The following SPG11 variants were observed in gnomAD, a reference collection of about 807,000 sequenced individuals.
SPG11 encodes the protein SPG11 vesicle trafficking associated, spatacsin, also known as spatacsin.
In SPG11, 222 loss-of-function variants were observed where a neutral mutation model predicts 274.0. The observed-to-expected ratio is 0.81, with a 90% CI of 0.73 to 0.91. The LOEUF is 0.91. SPG11 is among the 40% of genes least tolerant of loss of function. SPG11 has a pLI of 0.00. For synonymous variants in SPG11, 1,144 were observed against 1,039.7 expected, an observed-to-expected ratio of 1.10 and a Z score of -1.93; for missense variants, 3,114 against 2,872.7, an observed-to-expected ratio of 1.08 and a Z score of -1.92.
chr15:44,631,298 A>G (rs1368557631), intron 8 of SPG11, among the ~76,000 whole-genome samples: 1 of 152,222 alleles, frequency 6.6e-6, no homozygotes, highest in East Asian at 1.9e-4. Context: ...CTATGTCATC[A>G]TATTTAGTAA....
At chr15:44,595,951 A>G (rs1480081479) in intron 25 of SPG11, 132 bp downstream of exon 25, 4 of 1,210,342 alleles carry the variant, frequency 3.3e-6, no homozygotes, top group Admixed American at 3.9e-5. Context: ...AAAATGTTGC[A>G]GTGAACTTGG....
At chr15:44,661,940 CCT>C (rs2085121116) in intron 1 of SPG11, among the ~76,000 whole-genome samples, 1 of 152,070 alleles carries the variant, frequency 6.6e-6, no homozygotes, top group African/African-American at 2.4e-5. Context: ...GTTAAAAAGT[CCT>C]TTCTTGGTCC....
chr15:44,605,779 A>C (rs1434761929), intron 20 of SPG11, among the ~76,000 whole-genome samples: 1 of 152,232 alleles, frequency 6.6e-6, no homozygotes, highest in African/African-American at 2.4e-5. Flanking sequence ...ACTTTTTGAA[A>C]GGAAGAAATA....
chr15:44,590,208 C>T (rs1441709634), intron 27 of SPG11, among the ~76,000 whole-genome samples: 2 of 152,320 alleles, frequency 1.3e-5, no homozygotes, highest in South Asian at 2.1e-4. Context: ...AACATTACTT[C>T]GCTAGTTCTA....
At chr15:44,652,897 T>G (rs2084827932) in intron 4 of SPG11, among the ~76,000 whole-genome samples, 1 of 152,170 alleles carries the variant, frequency 6.6e-6, no homozygotes, top group South Asian at 2.1e-4. Flanking sequence ...CTTCCAGTGA[T>G]GTGCCTGCCT....
Position 44,644,405 on chromosome 15 carries a change from G to T in SPG11, c.1602+4461C>A, listed in dbSNP as rs146434858. 2.1e-3 allele frequency among the ~76,000 whole-genome samples: 318 copies of T among 152,106 alleles called. 2 individuals are homozygous for T. Among genetic ancestry groups the T allele is most frequent in the African/African-American group, 7.5e-3 (310 of 41,502 alleles). On this transcript the variant is annotated intron_variant, in intron 7 of 39. Transcript: ENST00000261866. ...ATGTTAAAAACCCTCAACAAACTAG[G>T]CATTGAAGAAACATATCTCAAAATA...
chr15:44,656,962 T>C (rs898415465), intron 4 of SPG11, 133 bp downstream of exon 4: 4 of 737,750 alleles, frequency 5.4e-6, no homozygotes, highest in African/African-American at 5.4e-5. Flanking sequence ...CTTTACAATG[T>C]ATTAGCTAGA....
chr15:44,649,850 C>T (rs2084713376), intron 6 of SPG11, among the ~76,000 whole-genome samples: 1 of 150,478 alleles, frequency 6.6e-6, no homozygotes, highest in African/African-American at 2.4e-5. Flanking sequence ...AGCCAGATCA[C>T]ACCATTGCAC....
At chr15:44,616,082 A>C (rs2083586464) in intron 15 of SPG11, among the ~76,000 whole-genome samples, 1 of 152,220 alleles carries the variant, frequency 6.6e-6, no homozygotes, top group Non-Finnish European at 1.5e-5. Flanking sequence ...TTATAGAAAC[A>C]TCATGGAACC....
Position 44,608,486 on chromosome 15 carries a change from A to G in SPG11, c.3411T>C (p.Pro1137=). The G allele has an allele frequency of 6.2e-7, 1 of 1,614,142 alleles. No homozygotes were observed. Among genetic ancestry groups the G allele is most frequent in the Non-Finnish European group, 8.5e-7 (1 of 1,180,014 alleles). Residue 1137 remains proline, a synonymous_variant, in exon 19 of 40, where the codon CCT becomes CCC. Coordinates refer to ENST00000261866, the MANE Select transcript of SPG11 (RefSeq NM_025137.4). ...TTGTAATATCAGATGGCAGGACACTAGGAGGAGTGCACTGTGGGAAGAGAG... is the reference window on the plus strand; with the variant it reads ...TTGTAATATCAGATGGCAGGACACTGGGAGGAGTGCACTGTGGGAAGAGAG... ...KTALFPQCTP[P]SVLPSDITIY...
intron 22 of SPG11, 55 bp from the exon 23 acceptor site, chr15:44,598,428 C>T: frequency 1.3e-6 from 2 of 1,533,274 alleles, no homozygotes; most frequent in South Asian, 1.1e-5. Flanking sequence ...AAAACCTGAG[C>T]ATTTCTGTTT....
intron 27 of SPG11, among the ~76,000 whole-genome samples, chr15:44,592,115 A>C (rs1472831240): frequency 2.6e-5 from 4 of 151,576 alleles, no homozygotes; most frequent in African/African-American, 7.3e-5. Flanking sequence ...TGTCTCAAAA[A>C]AAAAAAAAAA....
chr15:44,628,567 C>T (rs1595897850), intron 10 of SPG11, 102 bp downstream of exon 10: 3 of 1,138,418 alleles, frequency 2.6e-6, no homozygotes, highest in East Asian at 2.4e-5. Flanking sequence ...GCCAAACATT[C>T]TGAATCACAA....
Position 44,663,603 on chromosome 15 carries a change from A to G in SPG11, c.45T>C (p.Gly15=), listed in dbSNP as rs371828554. 75 of 1,596,428 alleles carry G rather than the reference A, an allele frequency of 4.7e-5. No individual in the cohort carries two copies. In the South Asian group the frequency reaches 6.4e-4, roughly 14 times the overall value. ...EGVASAASAG[G]SWGTAAMGRV... is the part of the protein sequence containing the mutation. ...GCCCCATGGCCGCGGTGCCCCAGCT[A>G]CCGCCGGCGGAAGCAGCACTCGCGA... Residue 15 remains glycine (G), a synonymous_variant, in exon 1 of 40, where the codon GGT becomes GGC. Transcript: ENST00000261866.
At position 44,660,621 on chromosome 15, in the gene SPG11, G is replaced by GA; in HGVS notation, c.258-6dup. Reference sequence around the variant, plus strand: ...CGAGAATCCTCCCATAGAAAGCTAAGAAAAAAAGTTTAGATTTATTATATT... The same window carrying GA: ...CGAGAATCCTCCCATAGAAAGCTAAGAAAAAAAAGTTTAGATTTATTATATT... On this transcript the variant is annotated splice_region_variant and splice_polypyrimidine_tract_variant and intron_variant, in intron 1 of 39. Transcript: ENST00000261866. The GA allele has an allele frequency of 1.2e-6, 2 of 1,613,764 alleles. No homozygotes were observed. The highest frequency in any genetic ancestry group is 1.3e-5 in the African/African-American group (1 of 74,994).
At chr15:44,607,647 T>C (rs2083356516) in intron 19 of SPG11, among the ~76,000 whole-genome samples, 2 of 152,188 alleles carry the variant, frequency 1.3e-5, no homozygotes, top group South Asian at 4.1e-4. Flanking sequence ...AGGAAAAGCC[T>C]TTTGAAATGA....
chr15:44,565,151 T>C (rs2082283603), intron 38 of SPG11, among the ~76,000 whole-genome samples: 2 of 152,200 alleles, frequency 1.3e-5, no homozygotes, highest in South Asian at 4.1e-4. Context: ...TCCACTTCTT[T>C]AAAGGGCTAG....
chr15:44,566,632 C>T (rs548474210), intron 36 of SPG11, among the ~76,000 whole-genome samples: 111 of 152,242 alleles, frequency 7.3e-4, no homozygotes, highest in African/African-American at 2.6e-3. Context: ...TCCTAAATTG[C>T]ACATGCCTTC....
In SPG11 at chr15:44,563,091, G is replaced by C. The variant is rs1382428317; in HGVS notation, c.*30C>G. The C allele has an allele frequency of 6.2e-7, 1 of 1,608,632 alleles. No homozygotes were observed. On this transcript the variant is annotated 3_prime_UTR_variant, in exon 40 of 40. Coordinates refer to ENST00000261866, the MANE Select transcript of SPG11 (RefSeq NM_025137.4). ...TCACATCTGTCAGAATCTGCTAACAGTACAAGAAAACAGACACCTATGAAA... is the reference window on the plus strand; with the variant it reads ...TCACATCTGTCAGAATCTGCTAACACTACAAGAAAACAGACACCTATGAAA...
Sources: allele counts gnomAD v4.1 joint callset (sites outside exome capture counted in the v4.1 genomes callset), GRCh38; gene constraint gnomAD v4.1.1; transcripts MANE v1.5; gene names NCBI Gene and HGNC (gene_info 2026-07-23, HGNC 2026-07-21).